DHX57: variants seen among roughly 807,000 people sequenced by gnomAD.
DHX57 encodes the protein DExH-box helicase 57, also known as putative ATP-dependent RNA helicase DHX57.
Under a neutral mutation model 156.2 loss-of-function variants are expected in DHX57, and 105 were observed. The ratio of observed to expected loss-of-function variants is 0.67; its 90% CI spans 0.57 to 0.79. The LOEUF (loss-of-function observed/expected upper bound fraction) is 0.79, where lower values mean the gene tolerates loss of function less well. Ranked by LOEUF, DHX57 falls within the 30% of genes least tolerant of loss-of-function variation. DHX57 has a pLI of 0.00. For synonymous variants in DHX57, 704 were observed against 595.6 expected, an observed-to-expected ratio of 1.18 and a Z score of -2.65; for missense variants, 1,847 against 1,661.9, an observed-to-expected ratio of 1.11 and a Z score of -1.94.
chr2:38,846,970 A>G (rs745841179), intron 11 of DHX57, 49 bp downstream of exon 11: 4 of 1,512,522 alleles, frequency 2.6e-6, no homozygotes, highest in Non-Finnish European at 9.1e-7. Context: ...ACAGGGATGA[A>G]CCACCATGCC....
intron 23 of DHX57, among the ~76,000 whole-genome samples, chr2:38,799,883 T>C (rs1197055396): frequency 1.3e-5 from 2 of 148,650 alleles, no homozygotes; most frequent in African/African-American, 5.0e-5. Flanking sequence ...TGAAACTCCG[T>C]CTCTAATAAA....
rs893133267 is a variant in DHX57, at chr2:38,871,855, C to T, written c.-6-3444G>A. 7.2e-5 allele frequency among the ~76,000 whole-genome samples: 11 copies of T among 152,044 alleles called. No individual in the cohort carries two copies. In the East Asian group the frequency reaches 1.5e-3, roughly 21 times the overall value. On this transcript the variant is annotated intron_variant, in intron 1 of 23. Transcript: ENST00000457308. ...TGGAGTAGCCGGGACTACAGGTGAC[C>T]GCCGCCGGCTAAGTTTTTGTTTTTT... is the stretch of plus-strand genomic sequence containing the variant.
At chr2:38,852,616 T>G (rs1413637010) in intron 9 of DHX57, among the ~76,000 whole-genome samples, 1 of 150,308 alleles carries the variant, frequency 6.7e-6, no homozygotes, top group Non-Finnish European at 1.5e-5. Flanking sequence ...TTTTTTTTTT[T>G]TTTTTTTTTA....
intron 22 of DHX57, among the ~76,000 whole-genome samples, chr2:38,804,574 A>G (rs544341915): frequency 6.6e-6 from 1 of 152,258 alleles, no homozygotes; most frequent in African/African-American, 2.4e-5. Context: ...GTGTCCAAGG[A>G]TAAAAATCTC....
intron 3 of DHX57, chr2:38,863,093 G>C (rs1415985653): frequency 8.6e-6 from 3 of 348,128 alleles, no homozygotes; most frequent in Non-Finnish European, 1.0e-5. Context: ...TATCTGGAAG[G>C]TTACAGATAA....
At chr2:38,837,180 TA>T (rs1208742442) in intron 13 of DHX57, among the ~76,000 whole-genome samples, 2 of 152,170 alleles carry the variant, frequency 1.3e-5, no homozygotes, top group African/African-American at 4.8e-5. Context: ...TCATCAGTAT[TA>T]GGGGTAGTAT....
chr2:38,861,846 G>A lies in DHX57; in HGVS notation c.573-9C>T. The A allele has an allele frequency of 6.4e-7, 1 of 1,564,302 alleles. No homozygotes were observed. Among genetic ancestry groups the A allele is most frequent in the South Asian group, 1.2e-5 (1 of 84,182 alleles). ...CAGTATTGAAACCATACCTGTCAAG[G>A]GCAAAACATGACAAAAATGACACAT... On this transcript the variant is annotated splice_polypyrimidine_tract_variant and intron_variant, in intron 4 of 23. Coordinates refer to ENST00000457308, the MANE Select transcript of DHX57 (RefSeq NM_198963.3).
intron 22 of DHX57, 157 bp from the exon 23 acceptor site, chr2:38,803,072 T>C (rs531092612): frequency 1.5e-5 from 10 of 671,306 alleles, no homozygotes; most frequent in East Asian, 1.1e-4. Context: ...AGTATAACTA[T>C]TGACTTGCCA....
In DHX57 at chr2:38,817,851, C is replaced by G. The variant is rs528817552; in HGVS notation, c.3471+1026G>C. Among the ~76,000 whole-genome samples the G allele has an allele frequency of 3.3e-5, 5 of 152,108 alleles. No homozygotes were observed. The South Asian group carries it at 6.2e-4, about 19-fold the overall frequency. ...TAGATGGGATTACAGGCCCATGTCA[C>G]TAGGTCTGGCTGATTTTTGTATTTT... On this transcript the variant is annotated intron_variant, in intron 19 of 23. Coordinates refer to ENST00000457308, the MANE Select transcript of DHX57 (RefSeq NM_198963.3).
chr2:38,821,479 A>C (rs1670813173), intron 17 of DHX57, among the ~76,000 whole-genome samples: 1 of 152,020 alleles, frequency 6.6e-6, no homozygotes, highest in Non-Finnish European at 1.5e-5. Context: ...GCAGATCACA[A>C]GGTCAGGAGT....
chr2:38,855,192 A>G lies in DHX57; in HGVS notation c.1770T>C (p.Pro590=). 1 of 1,614,126 alleles carries G rather than the reference A, an allele frequency of 6.2e-7. No individual in the cohort carries two copies. Among genetic ancestry groups the G allele is most frequent in the Non-Finnish European group, 8.5e-7 (1 of 1,179,952 alleles). The change falls in exon 8 of 24, where the codon CCT becomes CCC. Residue 590 remains proline, a synonymous_variant. Transcript: ENST00000457308. ...TACAGATGATGTTGGCTACCTTCTCAGGTGGTCCATTCAGAGAATCATCCA... is the reference window on the plus strand; with the variant it reads ...TACAGATGATGTTGGCTACCTTCTCGGGTGGTCCATTCAGAGAATCATCCA... ...FILDDSLNGP[P]EKVANIICTQ...
rs374756219 is a variant in DHX57 at position 38,843,181 on chromosome 2, A to G, written c.2249T>C (p.Met750Thr). The G allele has an allele frequency of 1.6e-5, 26 of 1,614,154 alleles. No homozygotes were observed. The highest frequency in any genetic ancestry group is 2.0e-5 in the Non-Finnish European group (24 of 1,180,010). ...CTTTGAAATCTGTTTCATGGACCGC[A>G]TATATGGGCTCCCATCCTGTAATAC... ...RYVLQDGSPY[M>T]RSMKQISKEK... Residue 750 changes from methionine to threonine, a missense_variant, in exon 12 of 24, where the codon ATG (methionine) becomes ACG (threonine). Physicochemically the swap from Met to Thr is moderately conservative, Grantham distance 81. Coordinates refer to ENST00000457308, the MANE Select transcript of DHX57 (RefSeq NM_198963.3).
At chr2:38,832,248 T>C (rs1671418037) in intron 13 of DHX57, among the ~76,000 whole-genome samples, 1 of 151,944 alleles carries the variant, frequency 6.6e-6, no homozygotes, top group Non-Finnish European at 1.5e-5. Flanking sequence ...AATACCAGCT[T>C]GGCCAACACT....
At chr2:38,805,800 G>A (rs1421835514) in intron 22 of DHX57, among the ~76,000 whole-genome samples, 3 of 152,118 alleles carry the variant, frequency 2.0e-5, no homozygotes, top group Non-Finnish European at 2.9e-5. Context: ...TTTTCCAGCA[G>A]GAGAGCTCAG....
intron 11 of DHX57, among the ~76,000 whole-genome samples, chr2:38,845,753 A>C (rs1464600843): frequency 1.3e-5 from 2 of 152,192 alleles, no homozygotes; most frequent in East Asian, 1.9e-4. Flanking sequence ...TATGCAATAC[A>C]CATTAACATT....
chr2:38,838,568 T>C (rs1671808987), intron 12 of DHX57, among the ~76,000 whole-genome samples: 1 of 152,180 alleles, frequency 6.6e-6, no homozygotes, highest in African/African-American at 2.4e-5. Context: ...AAAGCTTAAG[T>C]TCTGGAAACA....
In DHX57 at chr2:38,815,675, C is replaced by A. The variant is rs778251015; in HGVS notation, c.3472-20G>T. On this transcript the variant is annotated intron_variant, in intron 19 of 23. Transcript: ENST00000457308. ...CATTTCCTGAAAGAAGTGGAAAAAC[C>A]TTTAAGCAAGGGCATCAGCATAACA... The A allele has an allele frequency of 6.2e-6, 10 of 1,614,012 alleles. No individual in the cohort carries two copies. The East Asian group carries it at 2.0e-4, about 32-fold the overall frequency.
At chr2:38,834,486 T>TA (rs1671551897) in intron 13 of DHX57, among the ~76,000 whole-genome samples, 1 of 152,174 alleles carries the variant, frequency 6.6e-6, no homozygotes, top group African/African-American at 2.4e-5. Flanking sequence ...AGAATCGACT[T>TA]AAAAAAATGT....
intron 19 of DHX57, chr2:38,815,937 T>A: frequency 4.5e-6 from 2 of 441,028 alleles, no homozygotes; most frequent in African/African-American, 2.0e-5. Context: ...TTAAACACTC[T>A]CATTGGATTT....
Sources: allele counts gnomAD v4.1 joint callset (sites outside exome capture counted in the v4.1 genomes callset), GRCh38; gene constraint gnomAD v4.1.1; transcripts MANE v1.5; gene names NCBI Gene and HGNC (gene_info 2026-07-23, HGNC 2026-07-21).